The following EYA1 variants were observed in gnomAD, a reference collection of about 807,000 sequenced individuals.
The protein encoded by EYA1 is EYA transcriptional coactivator and phosphatase 1.
Under a neutral mutation model 82.0 loss-of-function variants are expected in EYA1, and 16 were observed. The observed-to-expected ratio is 0.20, with a 90% CI of 0.13 to 0.30. EYA1 has a LOEUF of 0.30. Ranked by LOEUF, EYA1 falls within the 10% of genes least tolerant of loss-of-function variation. EYA1 has a pLI of 1.00. For missense variants in EYA1, 633 were observed against 730.7 expected, an observed-to-expected ratio of 0.87 and a Z score of 1.54; for synonymous variants, 261 against 264.4, an observed-to-expected ratio of 0.99 and a Z score of 0.12.
chr8:71,317,268 T>C (rs1822029301), intron 7 of EYA1, among the ~76,000 whole-genome samples: 3 of 152,180 alleles, frequency 2.0e-5, no homozygotes, highest in South Asian at 4.1e-4. Context: ...CTTTTATAAC[T>C]GACAGAAGAC....
intron 1 of EYA1, among the ~76,000 whole-genome samples, chr8:71,360,502 C>T (rs569037122): frequency 1.1e-4 from 16 of 152,310 alleles, no homozygotes; most frequent in African/African-American, 3.8e-4. Context: ...AATTAGGCCT[C>T]TATGTCTGTC....
At chr8:71,223,064 G>A (rs1032529950) in intron 12 of EYA1, among the ~76,000 whole-genome samples, 2 of 152,218 alleles carry the variant, frequency 1.3e-5, no homozygotes, top group Non-Finnish European at 2.9e-5. Context: ...AGAGGAAAAT[G>A]CTCCCAGAAG....
intron 2 of EYA1, among the ~76,000 whole-genome samples, chr8:71,453,013 A>G (rs1807522843): frequency 6.6e-6 from 1 of 152,190 alleles, no homozygotes; most frequent in Non-Finnish European, 1.5e-5. Flanking sequence ...AGAAGCTAAA[A>G]AACCTTGAAA....
At chr8:71,242,965 CG>C (rs34689897) in intron 12 of EYA1, among the ~76,000 whole-genome samples, 52,672 of 151,408 alleles carry the variant, frequency 0.35, 9,718 homozygotes, top group African/African-American at 0.44. Flanking sequence ...TTAATAGAGA[CG>C]GGGGTTTCTC....
At chr8:71,523,544 A>G (rs577446496) in intron 2 of EYA1, among the ~76,000 whole-genome samples, 1 of 152,274 alleles carries the variant, frequency 6.6e-6, no homozygotes, top group South Asian at 2.1e-4. Flanking sequence ...AGTTACAGCA[A>G]ATCAATCACC....
At chr8:71,456,600 T>C (rs1055838128) in intron 2 of EYA1, among the ~76,000 whole-genome samples, 2 of 151,486 alleles carry the variant, frequency 1.3e-5, no homozygotes, top group Non-Finnish European at 2.9e-5. Context: ...AGAAATAATA[T>C]CACACCATCT....
intron 3 of EYA1, among the ~76,000 whole-genome samples, chr8:71,338,921 TC>T (rs1487028767): frequency 1.3e-5 from 2 of 152,134 alleles, no homozygotes; most frequent in Admixed American, 6.5e-5. Context: ...ACAAACTCAA[TC>T]TTCCTTTTAG....
At chr8:71,422,683 G>A (rs931453362) in intron 2 of EYA1, among the ~76,000 whole-genome samples, 3 of 152,122 alleles carry the variant, frequency 2.0e-5, no homozygotes, top group South Asian at 2.1e-4. Flanking sequence ...GGCAGAAGGG[G>A]AAACAAACGC....
intron 2 of EYA1, among the ~76,000 whole-genome samples, chr8:71,468,930 T>G (rs927994250): frequency 2.6e-5 from 4 of 152,156 alleles, no homozygotes; most frequent in Non-Finnish European, 5.9e-5. Flanking sequence ...TCTCCAAATA[T>G]TCATAAACTT....
chr8:71,355,696 TA>T (rs1441799849), intron 2 of EYA1, among the ~76,000 whole-genome samples: 4 of 152,228 alleles, frequency 2.6e-5, no homozygotes, highest in Admixed American at 2.0e-4. Context: ...AATTCTACTT[TA>T]GTGCTATAAT....
chr8:71,324,593 G>A (rs779738138), intron 4 of EYA1, among the ~76,000 whole-genome samples: 1 of 152,036 alleles, frequency 6.6e-6, no homozygotes, highest in Non-Finnish European at 1.5e-5. Context: ...ATCACCATCT[G>A]TCCCACAAAA....
rs180913395 is a variant in EYA1, at chr8:71,412,556, C to A, written c.34-56045G>T. Reference sequence around the variant, plus strand: ...TGGATAAAATAATATGATGTCTGAACTTTGCTCCAAAGTAATACGGGAGGA... The same window carrying A: ...TGGATAAAATAATATGATGTCTGAAATTTGCTCCAAAGTAATACGGGAGGA... On this transcript the variant is annotated intron_variant, in intron 2 of 18. Transcript: ENST00000643681. 3.3e-3 allele frequency among the ~76,000 whole-genome samples: 505 copies of A among 152,190 alleles called. 1 individual carries two copies. Among genetic ancestry groups the A allele is most frequent in the Non-Finnish European group, 5.5e-3 (371 of 68,022 alleles).
intron 17 of EYA1, among the ~76,000 whole-genome samples, chr8:71,210,116 C>T (rs1808317632): frequency 6.6e-6 from 1 of 152,140 alleles, no homozygotes; most frequent in African/African-American, 2.4e-5. Context: ...GGGTTAAGAA[C>T]TTGTTCAAAG....
chr8:71,420,060 GA>G (rs1678816788), intron 2 of EYA1, among the ~76,000 whole-genome samples: 1 of 152,072 alleles, frequency 6.6e-6, no homozygotes, highest in Admixed American at 6.6e-5. Context: ...GTGATGGACT[GA>G]AAAATGTTTA....
intron 6 of EYA1, 102 bp from the exon 7 acceptor site, chr8:71,317,791 C>T (rs1392064719): frequency 9.1e-7 from 1 of 1,103,162 alleles, no homozygotes; most frequent in Non-Finnish European, 1.4e-6. Flanking sequence ...AATGCTTCCC[C>T]AATCTTATCT....
chr8:71,370,297 T>C (rs757478289), intron 2 of EYA1, among the ~76,000 whole-genome samples: 87 of 151,284 alleles, frequency 5.8e-4, no homozygotes, highest in Non-Finnish European at 1.1e-3. Flanking sequence ...TTTAGGTGGT[T>C]CAGAAATCTA....
At chr8:71,216,580 G>T in intron 14 of EYA1, 112 bp downstream of exon 14, 1 of 1,152,768 alleles carries the variant, frequency 8.7e-7, no homozygotes, top group Non-Finnish European at 1.3e-6. Flanking sequence ...AGATGAAACT[G>T]CCCAAATAGA....
chr8:71,394,110 A>G (rs549131689), intron 2 of EYA1, among the ~76,000 whole-genome samples: 1 of 152,038 alleles, frequency 6.6e-6, no homozygotes, highest in African/African-American at 2.4e-5. Context: ...GTCTGTTCCT[A>G]TCCTTCACTC....
intron 2 of EYA1, among the ~76,000 whole-genome samples, chr8:71,372,637 C>T (rs1345714940): frequency 6.6e-6 from 1 of 152,186 alleles, no homozygotes; most frequent in South Asian, 2.1e-4. Flanking sequence ...TCCAGGAACA[C>T]TTTCATGAAG....
Sources: allele counts gnomAD v4.1 joint callset (sites outside exome capture counted in the v4.1 genomes callset), GRCh38; gene constraint gnomAD v4.1.1; transcripts MANE v1.5; gene names NCBI Gene and HGNC (gene_info 2026-07-23, HGNC 2026-07-21).